The following WDR45B variants were observed in gnomAD, a reference collection of about 807,000 sequenced individuals.
WDR45B encodes the protein WD repeat domain phosphoinositide-interacting protein 3.
A neutral mutation model predicts 44.6 loss-of-function variants in WDR45B; 20 were observed. The ratio of observed to expected loss-of-function variants is 0.45; its 90% confidence interval spans 0.32 to 0.65. The LOEUF (loss-of-function observed/expected upper bound fraction) is 0.65. WDR45B is among the 30% of genes least tolerant of loss of function. The pLI is 0.05. For missense variants in WDR45B, 323 were observed against 430.2 expected, an observed-to-expected ratio of 0.75 and a Z score of 2.20; for synonymous variants, 169 against 164.9, an observed-to-expected ratio of 1.02 and a Z score of -0.19.
chr17:82,627,631 C>T (rs1033611438), intron 3 of WDR45B, among the ~76,000 whole-genome samples: 1 of 152,346 alleles, frequency 6.6e-6, no homozygotes, highest in African/African-American at 2.4e-5. Context: ...CACACAGGCA[C>T]GCTAAGCGCA....
intron 2 of WDR45B, among the ~76,000 whole-genome samples, chr17:82,640,472 T>C (rs2045900022): frequency 6.6e-6 from 1 of 151,202 alleles, no homozygotes; most frequent in Non-Finnish European, 1.5e-5. Flanking sequence ...TGCCTCAGCC[T>C]CCCGAGTAGC....
intron 6 of WDR45B, among the ~76,000 whole-genome samples, chr17:82,619,512 A>G (rs887484801): frequency 2.6e-5 from 4 of 151,970 alleles, no homozygotes; most frequent in African/African-American, 7.3e-5. Flanking sequence ...TAAGTCCCTC[A>G]GATAGCTAGG....
chr17:82,625,307 C>T, intron 5 of WDR45B, 82 bp downstream of exon 5: 1 of 1,390,826 alleles, frequency 7.2e-7, no homozygotes, highest in African/African-American at 1.4e-5. Flanking sequence ...GCTCAGAGAC[C>T]TGCTTGGAGA....
At chr17:82,616,325 T>A (rs1262778168) in intron 9 of WDR45B, among the ~76,000 whole-genome samples, 199 bp downstream of exon 9, 1 of 152,106 alleles carries the variant, frequency 6.6e-6, no homozygotes, top group Non-Finnish European at 1.5e-5. Context: ...ACTGGAGGGA[T>A]GGGGGCTGAA....
intron 2 of WDR45B, among the ~76,000 whole-genome samples, chr17:82,633,873 G>A (rs927338097): frequency 6.6e-6 from 1 of 152,008 alleles, no homozygotes; most frequent in African/African-American, 2.4e-5. Flanking sequence ...AAAAAGGCCA[G>A]GCGTGGTGGC....
rs185465580 is a variant in WDR45B, at chr17:82,626,055, G to T, written c.333-572C>A. The T allele has an allele frequency of 3.5e-3, 560 of 159,910 alleles. 8 individuals are homozygous for T. Among genetic ancestry groups the T allele is most frequent in the African/African-American group, 0.013 (545 of 41,386 alleles). 9.9% of individuals were successfully genotyped at this position (159,910 alleles called of 1,614,324 possible). A position where few individuals can be genotyped will look rare whatever the true frequency, so the allele number is the denominator to read the frequency against. On this transcript the variant is annotated intron_variant, in intron 4 of 9. Transcript: ENST00000392325. ...GCACCACCATGCCCAGCTAATTTTT[G>T]TATTTTTAGTAGAGATGGGGTTTCA... is the stretch of plus-strand genomic sequence containing the variant.
intron 4 of WDR45B, among the ~76,000 whole-genome samples, chr17:82,626,262 G>A (rs1378954795): frequency 6.6e-6 from 1 of 151,294 alleles, no homozygotes. Context: ...AGTTGGCCGG[G>A]CGCAGTGGCT....
chr17:82,636,826 C>G (rs573077385), intron 2 of WDR45B, among the ~76,000 whole-genome samples: 1 of 151,988 alleles, frequency 6.6e-6, no homozygotes, highest in Non-Finnish European at 1.5e-5. Flanking sequence ...GTTACCTGTA[C>G]ACATTGTTCC....
chr17:82,645,984 G>A (rs982876786), intron 1 of WDR45B, among the ~76,000 whole-genome samples: 1 of 151,934 alleles, frequency 6.6e-6, no homozygotes, highest in Non-Finnish European at 1.5e-5. Flanking sequence ...AGCCGGGAGC[G>A]GTGGCGGGCA....
At chr17:82,627,778 T>G (rs1055011581) in intron 3 of WDR45B, among the ~76,000 whole-genome samples, 2 of 152,252 alleles carry the variant, frequency 1.3e-5, no homozygotes, top group African/African-American at 4.8e-5. Context: ...CTGCCAACCC[T>G]TGCCCTTGCC....
At chr17:82,625,764 T>G (rs1244419186) in intron 4 of WDR45B, 2 of 461,632 alleles carry the variant, frequency 4.3e-6, no homozygotes, top group Non-Finnish European at 8.0e-6. Flanking sequence ...ACACTCCATC[T>G]AGGTTCAGAA....
At chr17:82,617,256 C>T (rs767779733) in intron 8 of WDR45B, 40 bp downstream of exon 8, 2 of 1,587,466 alleles carry the variant, frequency 1.3e-6, no homozygotes, top group East Asian at 2.2e-5. Context: ...GGACTCCTCT[C>T]ATCCCCCGGC....
chr17:82,631,051 G>A (rs2143317835), intron 2 of WDR45B, 29 bp from the exon 3 acceptor site: 1 of 1,582,880 alleles, frequency 6.3e-7, no homozygotes, highest in East Asian at 2.2e-5. Flanking sequence ...AAAGACCAAT[G>A]TTACAAGTTA....
At position 82,624,775 on chromosome 17, in the gene WDR45B, C is replaced by T. The variant is rs531282006; in HGVS notation, c.427+614G>A. Among the ~76,000 whole-genome samples the T allele has an allele frequency of 5.9e-5, 9 of 151,518 alleles. No individual in the cohort carries two copies. In the East Asian group the frequency reaches 1.8e-3, roughly 30 times the overall value. ...CTGGGACTACAGGTGCCCGCCACCA[C>T]GCCCGGCTAATTTTTTGTATTTTTA... is the stretch of plus-strand genomic sequence containing the variant. On this transcript the variant is annotated intron_variant, in intron 5 of 9. Coordinates refer to ENST00000392325, the MANE Select transcript of WDR45B (RefSeq NM_019613.4).
At chr17:82,629,795 C>A in intron 3 of WDR45B, 1 of 985,414 alleles carries the variant, frequency 1.0e-6, no homozygotes, top group Non-Finnish European at 1.2e-6. Context: ...CCTTTCCACA[C>A]AATCCTTTTG....
chr17:82,622,380 G>A lies in WDR45B; in HGVS notation c.428-581C>T, dbSNP rs530188157. On this transcript the variant is annotated intron_variant, in intron 5 of 9. Transcript: ENST00000392325. Reference sequence around the variant, plus strand: ...CTCTCAGAAAGGGTTCTTGAAGAAAGACAAGCTGATACTAAGAATTATAAG... The same window carrying A: ...CTCTCAGAAAGGGTTCTTGAAGAAAAACAAGCTGATACTAAGAATTATAAG... Among the ~76,000 whole-genome samples, 17 of 152,226 alleles carry A rather than the reference G, an allele frequency of 1.1e-4. No individual in the cohort carries two copies. The South Asian group carries it at 3.3e-3, about 30-fold the overall frequency.
chr17:82,643,677 G>A (rs2045943850), intron 2 of WDR45B, among the ~76,000 whole-genome samples: 1 of 152,192 alleles, frequency 6.6e-6, no homozygotes, highest in South Asian at 2.1e-4. Context: ...AATCCCTGAT[G>A]TGACAGGAAA....
Position 82,648,347 on chromosome 17 carries a change from G to A in WDR45B, c.-7C>T. On this transcript the variant is annotated 5_prime_UTR_variant, in exon 1 of 10. Transcript: ENST00000392325. Reference sequence around the variant, plus strand: ...TACACGGCAGGAGGTTCATGGCGCCGCCGTGCTGGGTCGCCGCTCCTCAGC... The same window carrying A: ...TACACGGCAGGAGGTTCATGGCGCCACCGTGCTGGGTCGCCGCTCCTCAGC... 2 of 1,605,124 alleles carry A rather than the reference G, an allele frequency of 1.2e-6. No homozygotes were observed. Among genetic ancestry groups the A allele is most frequent in the Non-Finnish European group, 1.7e-6 (2 of 1,177,392 alleles).
chr17:82,646,214 G>A (rs1458659014), intron 1 of WDR45B, among the ~76,000 whole-genome samples: 1 of 151,866 alleles, frequency 6.6e-6, no homozygotes, highest in East Asian at 1.9e-4. Context: ...GAAACAGCCT[G>A]GCGCCGTGGC....
Sources: gnomAD v4.1 joint callset for allele counts (sites outside exome capture counted in the v4.1 genomes callset) on GRCh38, gnomAD v4.1.1 for gene constraint, MANE v1.5 for transcripts, NCBI Gene and HGNC (gene_info 2026-07-23, HGNC 2026-07-21) for gene names.